Variants in XIST observed in about 807,000 individuals in gnomAD.
The protein encoded by XIST is X inactive specific transcript.
exon 1 of XIST, chrX:73,843,136 A>G: frequency 1.8e-6 from 1 of 558,353 alleles, no homozygotes; most frequent in Non-Finnish European, 3.2e-6. Flanking sequence ...ACCATTGATA[A>G]CTGCCATTGT....
exon 1 of XIST, chrX:73,848,612 G>C (rs1329914989): frequency 5.4e-6 from 3 of 556,183 alleles, no homozygotes; most frequent in Non-Finnish European, 9.7e-6. Flanking sequence ...CTGGACAATT[G>C]CAACTGTGCA....
chrX:73,830,471 T>C (rs747149532), intron 4 of XIST, among the ~76,000 whole-genome samples: 16 of 112,354 alleles, frequency 1.4e-4, no homozygotes, highest in South Asian at 1.1e-3. Context: ...CACTCGCTAA[T>C]CAGCCTCTCC....
exon 1 of XIST, chrX:73,850,089 G>A (rs1191217396): frequency 7.2e-6 from 4 of 556,983 alleles, no homozygotes; most frequent in Non-Finnish European, 1.3e-5. Flanking sequence ...CATCAAGGAT[G>A]GGAACAAAGC....
chrX:73,852,144 CA>C (rs772748502), exon 1 of XIST: 11 of 512,346 alleles, frequency 2.1e-5, no homozygotes, highest in African/African-American at 1.9e-4. Context: ...CCCGATGGGC[CA>C]AAAAAAGAAA....
exon 1 of XIST, chrX:73,842,916 A>G (rs1209128232): frequency 5.4e-6 from 3 of 556,677 alleles, no homozygotes; most frequent in African/African-American, 2.2e-5. Context: ...AGGGCACACA[A>G]GGGGCAGAGA....
At chrX:73,841,657 A>G (rs752290230) in exon 1 of XIST, 2 of 548,008 alleles carry the variant, frequency 3.6e-6, no homozygotes, top group Non-Finnish European at 6.6e-6. Context: ...TATATCCAAA[A>G]GAATATTTAA....
At chrX:73,828,415 G>A (rs1240798429) in intron 5 of XIST, 1 of 123,839 alleles carries the variant, frequency 8.1e-6, no homozygotes, top group African/African-American at 3.2e-5. Flanking sequence ...GAGAAGTCTA[G>A]AGACTTTAAG....
chrX:73,841,732 G>A lies in XIST; in HGVS notation n.10992C>T, dbSNP rs951467518. ...ATCATTTTTAAGTCCTCACCTCAGTGTGGTACTTCAAACTACTTCAAATTA... is the reference window on the plus strand; with the variant it reads ...ATCATTTTTAAGTCCTCACCTCAGTATGGTACTTCAAACTACTTCAAATTA... On this transcript the variant is annotated non_coding_transcript_exon_variant, in exon 1 of 6. Coordinates refer to ENST00000429829, the Ensembl canonical transcript of XIST. 5.1e-5 allele frequency: 26 copies of A among 508,463 alleles called. No individual in the cohort carries two copies. The African/African-American group carries it at 5.8e-4, about 11-fold the overall frequency. 41.9% of individuals were successfully genotyped at this position (508,463 alleles called of 1,213,427 possible). A position where few individuals can be genotyped will look rare whatever the true frequency, so the allele number is the denominator to read the frequency against.
exon 1 of XIST, chrX:73,843,607 A>G (rs1569512337): frequency 3.6e-6 from 2 of 558,914 alleles, no homozygotes; most frequent in Non-Finnish European, 3.2e-6. Flanking sequence ...GCATTAATGC[A>G]TATTAAGTCC....
In XIST at chrX:73,844,022, T is replaced by C. The variant is rs778264490; in HGVS notation, n.8702A>G. On this transcript the variant is annotated non_coding_transcript_exon_variant, in exon 1 of 6. Coordinates refer to ENST00000429829, the Ensembl canonical transcript of XIST. Reference sequence around the variant, plus strand: ...AGAGGTATAATGGTCCTAGAAGTGATAGGGTTGTGGACAACTGCAATTATT... The same window carrying C: ...AGAGGTATAATGGTCCTAGAAGTGACAGGGTTGTGGACAACTGCAATTATT... 4 of 557,128 alleles carry C rather than the reference T, an allele frequency of 7.2e-6. No individual in the cohort carries two copies. The East Asian group carries it at 9.8e-5, about 14-fold the overall frequency. The allele number at this position is 557,128 out of a possible 1,213,427, so 45.9% of individuals were successfully genotyped here.
chrX:73,841,900 T>A (rs1052787367), exon 1 of XIST: 6 of 515,846 alleles, frequency 1.2e-5, no homozygotes, highest in Non-Finnish European at 1.7e-5. Context: ...GTGCTCCAGA[T>A]GAAGAAATTA....
chrX:73,837,302 A>T (rs1922502531), intron 2 of XIST: 1 of 362,652 alleles, frequency 2.8e-6, no homozygotes, highest in Non-Finnish European at 4.8e-6. Flanking sequence ...TTCCTCCTAA[A>T]CACTCATAAA....
exon 1 of XIST, chrX:73,852,026 A>C (rs767016172): frequency 3.1e-5 from 17 of 552,461 alleles, no homozygotes; most frequent in Middle Eastern, 6.1e-4. Flanking sequence ...AAAAAATCAA[A>C]GCAGGTATCC....
chrX:73,842,046 C>T, exon 1 of XIST: 1 of 550,116 alleles, frequency 1.8e-6, no homozygotes, highest in Non-Finnish European at 3.3e-6. Flanking sequence ...ATCCACAGAC[C>T]CACCACCCTC....
At chrX:73,846,974 T>C (rs1466850246) in exon 1 of XIST, 1 of 559,127 alleles carries the variant, frequency 1.8e-6, no homozygotes, top group Non-Finnish European at 3.2e-6. Context: ...GGCTTAATAT[T>C]GATTAGCACT....
exon 6 of XIST, chrX:73,826,520 C>G (rs1263626709): frequency 3.6e-6 from 2 of 557,619 alleles, no homozygotes; most frequent in Non-Finnish European, 6.5e-6. Context: ...TACTGTCAAT[C>G]TAAAGGTAAC....
intron 2 of XIST, chrX:73,833,571 T>C: frequency 3.5e-6 from 1 of 287,950 alleles, no homozygotes; most frequent in Non-Finnish European, 6.1e-6. Context: ...CACGGGAAGA[T>C]TAGACAAGTG....
At chrX:73,823,312 T>C in exon 6 of XIST, 3 of 277,512 alleles carry the variant, frequency 1.1e-5, no homozygotes, top group Non-Finnish European at 1.3e-5. Context: ...TTTCTTTCTT[T>C]TTTTTTTTTT....
chrX:73,831,745 T>C (rs1223019095), intron 3 of XIST, among the ~76,000 whole-genome samples: 3 of 111,857 alleles, frequency 2.7e-5, no homozygotes, highest in African/African-American at 9.8e-5. Flanking sequence ...TCTAACCCTA[T>C]GAGTTATGTA....
Sources: allele counts gnomAD v4.1 joint callset (sites outside exome capture counted in the v4.1 genomes callset), GRCh38; gene constraint gnomAD v4.1.1; transcripts MANE v1.5; gene names NCBI Gene and HGNC (gene_info 2026-07-23, HGNC 2026-07-21).